The following SETBP1 variants were observed in gnomAD, a reference collection of about 807,000 sequenced individuals.
SETBP1 encodes the protein SET binding protein 1.
Under a neutral mutation model 101.0 loss-of-function variants are expected in SETBP1, and 9 were observed. That is an observed-to-expected ratio of 0.09 (90% CI 0.05 to 0.16). SETBP1 has a LOEUF of 0.16. SETBP1 is among the 10% of genes least tolerant of loss of function. The pLI, the probability that SETBP1 is intolerant of heterozygous loss-of-function variation, is 1.00. For synonymous variants in SETBP1, 818 were observed against 788.5 expected (o/e 1.04, Z -0.63); for missense variants, 1,858 against 2,033.8 (o/e 0.91, Z 1.66).
At position 44,951,074 on chromosome 18, in the gene SETBP1, T is replaced by G. The variant is rs751607124; in HGVS notation, c.1734T>G (p.Thr578=). 1 of 1,614,084 alleles carries G rather than the reference T, an allele frequency of 6.2e-7. No individual in the cohort carries two copies. Among genetic ancestry groups the G allele is most frequent in the Non-Finnish European group, 8.5e-7 (1 of 1,180,032 alleles). Residue 578 remains threonine (T), a synonymous_variant, in exon 4 of 6, where the codon ACT becomes ACG. Transcript: ENST00000649279. The surrounding 1 kb of genome is among the most constrained non-coding windows in gnomAD (Gnocchi z 7.8). ...SPLYTNTDSL[T]VITPVKKKRG... ...TCTACACCAACACAGACAGTCTTACTGTGATCACTCCAGTCAAAAAGAAGC... is the reference window on the plus strand; with the variant it reads ...TCTACACCAACACAGACAGTCTTACGGTGATCACTCCAGTCAAAAAGAAGC...
At chr18:44,740,902 A>T (rs1274893568) in intron 2 of SETBP1, among the ~76,000 whole-genome samples, 1 of 152,204 alleles carries the variant, frequency 6.6e-6, no homozygotes, top group African/African-American at 2.4e-5. Context: ...AGGAACCTGC[A>T]CTTGGATAAA....
chr18:44,893,932 C>T (rs1011319344), intron 3 of SETBP1, among the ~76,000 whole-genome samples: 27 of 152,150 alleles, frequency 1.8e-4, no homozygotes, highest in African/African-American at 6.3e-4. Context: ...ATATACCAAA[C>T]TTTGTCCATT....
intron 4 of SETBP1, among the ~76,000 whole-genome samples, chr18:44,956,520 A>G (rs1174890649): frequency 6.6e-6 from 1 of 152,046 alleles, no homozygotes. Flanking sequence ...ACTTTCTACA[A>G]CTTCTCTCCC....
At chr18:44,971,045 G>A (rs889016550) in intron 4 of SETBP1, among the ~76,000 whole-genome samples, 3 of 150,926 alleles carry the variant, frequency 2.0e-5, no homozygotes, top group Non-Finnish European at 3.0e-5. Flanking sequence ...CCCACAACAG[G>A]CCCCAGTGTG....
intron 2 of SETBP1, among the ~76,000 whole-genome samples, chr18:44,852,427 G>A (rs989626887): frequency 6.6e-6 from 1 of 152,208 alleles, no homozygotes; most frequent in Non-Finnish European, 1.5e-5. Context: ...ATGAAGCTGG[G>A]TGTGCAGCCA....
intron 4 of SETBP1, among the ~76,000 whole-genome samples, chr18:45,001,717 C>T (rs188818321): frequency 1.3e-5 from 2 of 152,272 alleles, no homozygotes; most frequent in East Asian, 3.9e-4. Flanking sequence ...GAAGATATTA[C>T]CCTTCTCCTT....
At chr18:44,691,356 C>T (rs1300856459) in intron 1 of SETBP1, among the ~76,000 whole-genome samples, 1 of 151,602 alleles carries the variant, frequency 6.6e-6, no homozygotes, top group Admixed American at 6.6e-5. Flanking sequence ...GTTTAACCAC[C>T]CCCCGCCCCC....
At chr18:45,002,344 C>G (rs140305752) in intron 4 of SETBP1, among the ~76,000 whole-genome samples, 1 of 150,944 alleles carries the variant, frequency 6.6e-6, no homozygotes, top group Admixed American at 6.6e-5. Flanking sequence ...AATCCTTTGC[C>G]GTGTTATAAA....
chr18:44,764,756 G>A (rs2070731664), intron 2 of SETBP1, among the ~76,000 whole-genome samples: 1 of 152,134 alleles, frequency 6.6e-6, no homozygotes, highest in African/African-American at 2.4e-5. Context: ...ACAGGTGTGA[G>A]CCACCGCGCC....
At chr18:44,797,880 C>T (rs1335109493) in intron 2 of SETBP1, among the ~76,000 whole-genome samples, 1 of 152,154 alleles carries the variant, frequency 6.6e-6, no homozygotes, top group African/African-American at 2.4e-5. Flanking sequence ...TCTCTGATCT[C>T]ATCTCAAATC....
intron 1 of SETBP1, among the ~76,000 whole-genome samples, chr18:44,685,102 G>A (rs1484423917): frequency 6.6e-6 from 1 of 152,152 alleles, no homozygotes; most frequent in Non-Finnish European, 1.5e-5. Flanking sequence ...AGGAGCCCAT[G>A]ATGGTTAATG....
intron 2 of SETBP1, among the ~76,000 whole-genome samples, chr18:44,755,679 G>A (rs1262501764): frequency 6.6e-6 from 1 of 152,028 alleles, no homozygotes; most frequent in Non-Finnish European, 1.5e-5. Context: ...TAGTTCCCTG[G>A]GAGACATGCT....
In SETBP1 at chr18:44,975,410, G is replaced by A. The variant is rs145694848; in HGVS notation, c.4000+22070G>A. ...AAATTCACTTTTAATGCCAGTTATA[G>A]TTTTTCTCACGTTAGCAATTCCATC... On this transcript the variant is annotated intron_variant, in intron 4 of 5. Coordinates refer to ENST00000649279, the MANE Select transcript of SETBP1 (RefSeq NM_015559.3). Among the ~76,000 whole-genome samples the A allele has an allele frequency of 2.0e-5, 3 of 152,264 alleles. No homozygotes were observed. In the East Asian group the frequency reaches 5.8e-4, roughly 29 times the overall value.
At chr18:44,755,037 T>G (rs1375880996) in intron 2 of SETBP1, among the ~76,000 whole-genome samples, 1 of 152,210 alleles carries the variant, frequency 6.6e-6, no homozygotes, top group African/African-American at 2.4e-5. Context: ...CTTAACTCAC[T>G]GAAAGATATG....
intron 4 of SETBP1, among the ~76,000 whole-genome samples, chr18:45,037,317 A>G (rs1237773411): frequency 2.0e-5 from 3 of 152,152 alleles, no homozygotes; most frequent in Non-Finnish European, 4.4e-5. Flanking sequence ...GTGCCCATAT[A>G]TTCTTAGTCA....
chr18:44,837,085 CTTTG>C (rs2072514093), intron 2 of SETBP1, among the ~76,000 whole-genome samples: 2 of 152,222 alleles, frequency 1.3e-5, no homozygotes, highest in Admixed American at 6.5e-5. Flanking sequence ...GGGCTAAGGA[CTTTG>C]TTTGACATCT....
At chr18:44,813,087 A>C (rs1028241102) in intron 2 of SETBP1, among the ~76,000 whole-genome samples, 1 of 152,144 alleles carries the variant, frequency 6.6e-6, no homozygotes. Flanking sequence ...AAAAAAAAAG[A>C]AAGAAAGAAA....
At chr18:44,851,541 C>T (rs954337009) in intron 2 of SETBP1, among the ~76,000 whole-genome samples, 3 of 152,246 alleles carry the variant, frequency 2.0e-5, no homozygotes, top group Non-Finnish European at 1.5e-5. Flanking sequence ...TGAGCCTACA[C>T]GGTCTCTGTA....
Position 45,038,362 on chromosome 18 carries a change from T to C in SETBP1, c.4001-123T>C. ...TTTTAGCATTTTTAAATTTCATTCT[T>C]GTTGTACCAGAAGGAGGTGTTCAAA... On this transcript the variant is annotated intron_variant, in intron 4 of 5. Coordinates refer to ENST00000649279, the MANE Select transcript of SETBP1 (RefSeq NM_015559.3). 4 of 918,062 alleles carry C rather than the reference T, an allele frequency of 4.4e-6. No homozygotes were observed. In the Admixed American group the frequency reaches 5.8e-5, roughly 13 times the overall value. The allele number at this position is 918,062 out of a possible 1,614,324, so 56.9% of individuals were successfully genotyped here. A position where few individuals can be genotyped will look rare whatever the true frequency, so the allele number is the denominator to read the frequency against.
Sources: allele counts gnomAD v4.1 joint callset (sites outside exome capture counted in the v4.1 genomes callset), GRCh38; gene constraint gnomAD v4.1.1; non-coding constraint Gnocchi (gnomAD v3.1); transcripts MANE v1.5; gene names NCBI Gene and HGNC (gene_info 2026-07-23, HGNC 2026-07-21).